DOCK8: variants seen among roughly 807,000 people sequenced by gnomAD.
The protein encoded by DOCK8 is dedicator of cytokinesis 8.
A neutral mutation model predicts 245.6 loss-of-function variants in DOCK8; 141 were observed. The observed-to-expected ratio is 0.57, with a 90% CI of 0.50 to 0.66. The LOEUF is 0.66. Ranked by LOEUF, DOCK8 falls within the 30% of genes least tolerant of loss-of-function variation. The probability of loss-of-function intolerance (pLI) is 0.00; values close to 1 mark genes in which losing one functional copy is unlikely to be tolerated. For synonymous variants in DOCK8, 1,168 were observed against 970.2 expected (o/e 1.20, Z -3.79); for missense variants, 2,965 against 2,603.4 (o/e 1.14, Z -3.02).
At chr9:432,085 G>T (rs1197373352) in intron 36 of DOCK8, 81 bp from the exon 37 acceptor site, 2 of 1,470,350 alleles carry the variant, frequency 1.4e-6, no homozygotes, top group Non-Finnish European at 9.4e-7. Context: ...AGTTGTTTGT[G>T]TCTGGCCATG....
intron 1 of DOCK8, among the ~76,000 whole-genome samples, chr9:271,333 A>G (rs888196952): frequency 6.6e-5 from 10 of 152,130 alleles, no homozygotes; most frequent in Admixed American, 3.3e-4. Flanking sequence ...GAAGGAGTCA[A>G]ATGCCCTGGA....
intron 2 of DOCK8, among the ~76,000 whole-genome samples, chr9:285,330 G>A (rs1409966037): frequency 6.6e-6 from 1 of 152,144 alleles, no homozygotes; most frequent in Non-Finnish European, 1.5e-5. Flanking sequence ...ATTTCAAAGC[G>A]ATGAAAAACT....
chr9:426,882 T>C lies in DOCK8; in HGVS notation c.4242-3T>C, dbSNP rs2056522240. 6.2e-7 allele frequency: 1 copy of C among 1,613,892 alleles called. No individual in the cohort carries two copies. Among genetic ancestry groups the C allele is most frequent in the South Asian group, 1.1e-5 (1 of 91,068 alleles). Reference sequence around the variant, plus strand: ...TTTAATTTGACCTCTTGTTGTTTCCTAGAACAAAGGCCGAGTTAGATCAAG... The same window carrying C: ...TTTAATTTGACCTCTTGTTGTTTCCCAGAACAAAGGCCGAGTTAGATCAAG... On this transcript the variant is annotated splice_polypyrimidine_tract_variant and splice_region_variant and intron_variant, in intron 33 of 47. Coordinates refer to ENST00000432829, the MANE Select transcript of DOCK8 (RefSeq NM_203447.4).
At chr9:361,771 A>T (rs977451499) in intron 14 of DOCK8, among the ~76,000 whole-genome samples, 11 of 152,244 alleles carry the variant, frequency 7.2e-5, no homozygotes, top group African/African-American at 2.7e-4. Context: ...TATTGAAGTA[A>T]CAAAAATAAA....
chr9:226,574 A>G (rs1429201463), intron 1 of DOCK8, among the ~76,000 whole-genome samples: 1 of 152,170 alleles, frequency 6.6e-6, no homozygotes, highest in South Asian at 2.1e-4. Context: ...CTGGGATAAC[A>G]TTCTGGAGCT....
intron 28 of DOCK8, among the ~76,000 whole-genome samples, chr9:408,755 T>C (rs2055556598): frequency 6.6e-6 from 1 of 152,226 alleles, no homozygotes; most frequent in African/African-American, 2.4e-5. Flanking sequence ...TGACATTCTG[T>C]TCTGGATTCC....
At chr9:396,603 A>G (rs2054468300) in intron 24 of DOCK8, among the ~76,000 whole-genome samples, 182 bp from the exon 25 acceptor site, 1 of 152,176 alleles carries the variant, frequency 6.6e-6, no homozygotes, top group Non-Finnish European at 1.5e-5. Flanking sequence ...TCCCGCCACC[A>G]TGGTAACCAT....
At chr9:234,666 C>G (rs956747307) in intron 1 of DOCK8, among the ~76,000 whole-genome samples, 3 of 152,138 alleles carry the variant, frequency 2.0e-5, no homozygotes, top group Admixed American at 6.6e-5. Context: ...ATCACTGATA[C>G]CCTTTTTTCC....
At chr9:215,140 G>A in intron 1 of DOCK8, 111 bp downstream of exon 1, 1 of 1,464,388 alleles carries the variant, frequency 6.8e-7, no homozygotes, top group Non-Finnish European at 8.9e-7. Context: ...CGTCCGCGGC[G>A]GGGCGCGCCT....
chr9:238,090 C>G (rs1014726726), intron 1 of DOCK8, among the ~76,000 whole-genome samples: 2 of 152,074 alleles, frequency 1.3e-5, no homozygotes, highest in Non-Finnish European at 2.9e-5. Flanking sequence ...TTTTATTCAC[C>G]TTCTAATCAT....
chr9:437,865 A>G (rs2056954992), intron 39 of DOCK8, among the ~76,000 whole-genome samples: 1 of 152,222 alleles, frequency 6.6e-6, no homozygotes, highest in African/African-American at 2.4e-5. Context: ...TCCTGAAGCC[A>G]AGAAAGTCTG....
At chr9:275,450 A>C (rs755282354) in intron 2 of DOCK8, among the ~76,000 whole-genome samples, 4 of 152,190 alleles carry the variant, frequency 2.6e-5, no homozygotes, top group Non-Finnish European at 4.4e-5. Flanking sequence ...CTGACTGGAC[A>C]TTAAAATTAT....
At chr9:281,941 C>A (rs892745649) in intron 2 of DOCK8, among the ~76,000 whole-genome samples, 2 of 152,184 alleles carry the variant, frequency 1.3e-5, no homozygotes, top group Non-Finnish European at 2.9e-5. Context: ...AGTGCCAGAA[C>A]CGTACTCAGT....
At chr9:213,154 T>C (rs1347365273), upstream of DOCK8, 1 of 152,202 alleles carries the variant, frequency 6.6e-6, no homozygotes, top group Non-Finnish European at 1.5e-5. Flanking sequence ...TTTTCGTATG[T>C]AGTCTATTGT....
At chr9:445,562 C>A (rs1463833306) in intron 43 of DOCK8, among the ~76,000 whole-genome samples, 1 of 152,244 alleles carries the variant, frequency 6.6e-6, no homozygotes, top group Non-Finnish European at 1.5e-5. Flanking sequence ...ACACATGTGA[C>A]TACCTTCATA....
intron 1 of DOCK8, among the ~76,000 whole-genome samples, chr9:241,432 T>C (rs774473390): frequency 2.2e-4 from 33 of 152,194 alleles, no homozygotes; most frequent in Non-Finnish European, 4.3e-4. Context: ...TTTTTACTTC[T>C]ATGAGATCGA....
intron 24 of DOCK8, among the ~76,000 whole-genome samples, chr9:394,007 G>A (rs551601146): frequency 2.6e-5 from 4 of 152,248 alleles, no homozygotes; most frequent in South Asian, 4.1e-4. Context: ...AAATCTGGAG[G>A]CAGATGAGAC....
intron 2 of DOCK8, among the ~76,000 whole-genome samples, chr9:284,945 G>A (rs566340756): frequency 1.3e-5 from 2 of 152,200 alleles, no homozygotes; most frequent in Non-Finnish European, 1.5e-5. Context: ...CTACTTGTGG[G>A]TGAAGGGTGG....
intron 1 of DOCK8, among the ~76,000 whole-genome samples, chr9:238,935 A>G (rs2047321495): frequency 1.4e-5 from 2 of 147,898 alleles, no homozygotes; most frequent in Admixed American, 6.9e-5. Flanking sequence ...ATCCTATCAC[A>G]GCTTGCACTC....
Sources: allele counts gnomAD v4.1 joint callset (sites outside exome capture counted in the v4.1 genomes callset), GRCh38; gene constraint gnomAD v4.1.1; transcripts MANE v1.5; gene names NCBI Gene and HGNC (gene_info 2026-07-23, HGNC 2026-07-21).